CAPRIN1: variants seen among roughly 807,000 people sequenced by gnomAD.
CAPRIN1 encodes the protein cell cycle associated protein 1, also known as caprin-1.
CAPRIN1 carries 29 observed loss-of-function variants against 100.9 expected under a neutral mutation model. The ratio of observed to expected loss-of-function variants is 0.29; its 90% CI spans 0.21 to 0.39. The LOEUF is 0.39. CAPRIN1 is among the 10% of genes least tolerant of loss of function. The pLI is 1.00. For synonymous variants in CAPRIN1, 338 were observed against 307.5 expected, an observed-to-expected ratio of 1.10 and a Z score of -1.04; for missense variants, 795 against 876.7, an observed-to-expected ratio of 0.91 and a Z score of 1.18.
rs916131753 is a variant in CAPRIN1 at position 34,101,227 on chromosome 11, G to A, written c.*1860G>A. On this transcript the variant is annotated 3_prime_UTR_variant, in exon 19 of 19. Transcript: ENST00000341394. ...TACTTTGGCAAATGAGTATTTTTTT[G>A]CTAGCACCTCCCCTTGCGTGCTTTA... The A allele has an allele frequency of 3.3e-5, 5 of 151,998 alleles. No individual in the cohort carries two copies. Among genetic ancestry groups the A allele is most frequent in the African/African-American group, 1.2e-4 (5 of 41,380 alleles). The allele number at this position is 151,998 out of a possible 1,614,324, so 9.4% of individuals were successfully genotyped here. A position where few individuals can be genotyped will look rare whatever the true frequency, so the allele number is the denominator to read the frequency against.
rs1169702908 is a variant in CAPRIN1 at position 34,096,677 on chromosome 11, A to G, written c.1900+4A>G. On this transcript the variant is annotated splice_donor_region_variant and intron_variant, in intron 16 of 18. Coordinates refer to ENST00000341394, the MANE Select transcript of CAPRIN1 (RefSeq NM_005898.5). ...GGCCCTGCCAATGGATTCAGAGGTAAAAAAATAAAAAAGGAGGTTCTAATG... is the reference window on the plus strand; with the variant it reads ...GGCCCTGCCAATGGATTCAGAGGTAGAAAAATAAAAAAGGAGGTTCTAATG... The G allele has an allele frequency of 1.3e-6, 2 of 1,579,214 alleles. No homozygotes were observed. The highest frequency in any genetic ancestry group is 1.7e-6 in the Non-Finnish European group (2 of 1,158,642).
intron 4 of CAPRIN1, 70 bp from the exon 5 acceptor site, chr11:34,076,166 G>T: frequency 1.9e-6 from 2 of 1,064,032 alleles, no homozygotes; most frequent in East Asian, 2.4e-5. Context: ...TATTTAAGCT[G>T]GACCTGAAAT....
intron 14 of CAPRIN1, among the ~76,000 whole-genome samples, chr11:34,091,410 T>C (rs1414452549): frequency 6.6e-6 from 1 of 152,130 alleles, no homozygotes; most frequent in African/African-American, 2.4e-5. Flanking sequence ...CCTCAGCCTT[T>C]GGAGTAGCTG....
At position 34,085,237 on chromosome 11, in the gene CAPRIN1, G is replaced by A. The variant is rs572612616; in HGVS notation, c.967-827G>A. Among the ~76,000 whole-genome samples, 25 of 152,246 alleles carry A rather than the reference G, an allele frequency of 1.6e-4. No homozygotes were observed. The East Asian group carries it at 2.3e-3, about 14-fold the overall frequency. ...AGGAAATTATTAGAGCTGGGAAAAG[G>A]CTAATAGAGTGAGCTTTGGCTTCTG... On this transcript the variant is annotated intron_variant, in intron 9 of 18. Transcript: ENST00000341394.
intron 15 of CAPRIN1, among the ~76,000 whole-genome samples, chr11:34,094,023 G>A (rs1851316436): frequency 1.3e-5 from 2 of 152,190 alleles, no homozygotes; most frequent in South Asian, 4.1e-4. Context: ...CTATATATAT[G>A]TGTATTTATG....
Position 34,082,998 on chromosome 11 carries a change from G to T in CAPRIN1, c.923G>T (p.Gly308Val), listed in dbSNP as rs778350849. 6.2e-7 allele frequency: 1 copy of T among 1,614,154 alleles called. No homozygotes were observed. The highest frequency in any genetic ancestry group is 1.1e-5 in the South Asian group (1 of 91,084). ...QFMAETQFTS[G>V]EKEQVDEWTV... The stretch of plus-strand genomic sequence containing the variant: ...ATGGCAGAAACACAGTTCACCAGTG[G>T]TGAAAAGGAGCAGGTAGATGAGTGG... The change falls in exon 9 of 19, where the codon GGT becomes GTT. Residue 308 changes from glycine (G) to valine (V), a missense_variant. Around this residue, in one of 3 missense-constraint regions of CAPRIN1, gnomAD observed 648 missense variants for 697.9 expected, o/e 0.93. Transcript: ENST00000341394.
intron 15 of CAPRIN1, 121 bp from the exon 16 acceptor site, chr11:34,096,358 C>A: frequency 3.1e-6 from 2 of 638,116 alleles, no homozygotes; most frequent in Non-Finnish European, 2.6e-6. Context: ...TCATTGTATG[C>A]AAATTTAAGG....
chr11:34,055,117 C>T (rs905206055), intron 2 of CAPRIN1, among the ~76,000 whole-genome samples: 1 of 152,112 alleles, frequency 6.6e-6, no homozygotes, highest in Non-Finnish European at 1.5e-5. Context: ...ATGTGAATTA[C>T]TATACTCTGT....
intron 2 of CAPRIN1, among the ~76,000 whole-genome samples, 176 bp from the exon 3 acceptor site, chr11:34,071,550 C>T (rs1279076338): frequency 4.0e-5 from 6 of 151,196 alleles, no homozygotes; most frequent in South Asian, 2.1e-4. Context: ...GGGTGACGAG[C>T]GAAACTCTGT....
Position 34,090,526 on chromosome 11 carries a change from T to G in CAPRIN1, c.1405-3T>G. ...AAAGTGCATCTATTCACTTTGTGTTTAGGCAACAATCTCTTTAAATACAGA... is the reference window on the plus strand; with the variant it reads ...AAAGTGCATCTATTCACTTTGTGTTGAGGCAACAATCTCTTTAAATACAGA... On this transcript the variant is annotated splice_region_variant and splice_polypyrimidine_tract_variant and intron_variant, in intron 13 of 18. Transcript: ENST00000341394. 6.2e-7 allele frequency: 1 copy of G among 1,609,932 alleles called. No individual in the cohort carries two copies. The highest frequency in any genetic ancestry group is 8.5e-7 in the Non-Finnish European group (1 of 1,176,664).
intron 2 of CAPRIN1, among the ~76,000 whole-genome samples, chr11:34,055,028 GA>G (rs556758462): frequency 5.8e-4 from 87 of 150,422 alleles, no homozygotes; most frequent in Non-Finnish European, 1.0e-4. Context: ...AAGTACTTCT[GA>G]AAAAAAAATA....
chr11:34,091,216 G>GA (rs1328462596), intron 14 of CAPRIN1, among the ~76,000 whole-genome samples: 5 of 152,062 alleles, frequency 3.3e-5, no homozygotes, highest in East Asian at 3.8e-4. Flanking sequence ...TAATAAAAAT[G>GA]AAAAAACATT....
chr11:34,086,391 G>A lies in CAPRIN1; in HGVS notation c.1209G>A (p.Met403Ile), dbSNP rs770070318. The A allele has an allele frequency of 8.1e-6, 13 of 1,612,634 alleles. No homozygotes were observed. In the South Asian group the frequency reaches 8.8e-5, roughly 11 times the overall value. The change falls in exon 11 of 19, where the codon ATG becomes ATA. Residue 403 changes from methionine to isoleucine, a missense_variant. By Grantham distance (10) the Met-to-Ile change is conservative. Around this residue, in one of 3 missense-constraint regions of CAPRIN1, gnomAD observed 648 missense variants for 697.9 expected, o/e 0.93. Coordinates refer to ENST00000341394, the MANE Select transcript of CAPRIN1 (RefSeq NM_005898.5). ...QPMNPTQNMD[M>I]PQLVCPPVHS... is the part of the protein sequence containing the mutation. Reference sequence around the variant, plus strand: ...TGAATCCAACACAAAACATGGACATGCCCCAGCTGGTTTGCCCTCCAGGTT... The same window carrying A: ...TGAATCCAACACAAAACATGGACATACCCCAGCTGGTTTGCCCTCCAGGTT...
Position 34,097,739 on chromosome 11 carries a change from T to C in CAPRIN1, c.2043T>C (p.Ser681=), listed in dbSNP as rs765316780. Residue 681 remains serine, a synonymous_variant, in exon 18 of 19, where the codon AGT becomes AGC. Coordinates refer to ENST00000341394, the MANE Select transcript of CAPRIN1 (RefSeq NM_005898.5). ...QQNFKRGSGQ[S]GPRGAPRGRG... is the part of the protein sequence containing the mutation. Reference sequence around the variant, plus strand: ...ATTTCAAGCGAGGCTCTGGGCAGAGTGGACCACGGGGAGCCCCACGAGGTA... The same window carrying C: ...ATTTCAAGCGAGGCTCTGGGCAGAGCGGACCACGGGGAGCCCCACGAGGTA... 5.0e-6 allele frequency: 8 copies of C among 1,614,030 alleles called. No individual in the cohort carries two copies. Among genetic ancestry groups the C allele is most frequent in the Non-Finnish European group, 6.8e-6 (8 of 1,179,924 alleles).
At chr11:34,070,277 C>CTG (rs1850782761) in intron 2 of CAPRIN1, among the ~76,000 whole-genome samples, 1 of 152,176 alleles carries the variant, frequency 6.6e-6, no homozygotes, top group African/African-American at 2.4e-5. Flanking sequence ...CACCCTTGAA[C>CTG]TAACAAAGCA....
At chr11:34,081,731 C>G (rs1159181303) in intron 7 of CAPRIN1, among the ~76,000 whole-genome samples, 1 of 152,134 alleles carries the variant, frequency 6.6e-6, no homozygotes, top group African/African-American at 2.4e-5. Context: ...CTCCTGACCT[C>G]AAGTGATCTG....
intron 9 of CAPRIN1, among the ~76,000 whole-genome samples, chr11:34,084,105 T>G (rs568752925): frequency 2.0e-5 from 3 of 152,248 alleles, no homozygotes; most frequent in Admixed American, 1.3e-4. Flanking sequence ...TTGCAAAGTT[T>G]TTTTTTTTTG....
chr11:34,092,739 G>GA (rs1435221809), intron 15 of CAPRIN1, among the ~76,000 whole-genome samples: 2 of 152,156 alleles, frequency 1.3e-5, no homozygotes, highest in Non-Finnish European at 2.9e-5. Flanking sequence ...ACAAAGTTAA[G>GA]AAAAAACTCA....
At position 34,099,410 on chromosome 11, in the gene CAPRIN1, C is replaced by A. The variant is rs1851419326; in HGVS notation, c.*43C>A. 8.9e-6 allele frequency: 13 copies of A among 1,454,768 alleles called. No individual in the cohort carries two copies. The highest frequency in any genetic ancestry group is 1.2e-5 in the Non-Finnish European group (12 of 1,035,382). 90.1% of individuals were successfully genotyped at this position (1,454,768 alleles called of 1,614,324 possible). A position where few individuals can be genotyped will look rare whatever the true frequency, so the allele number is the denominator to read the frequency against. On this transcript the variant is annotated 3_prime_UTR_variant, in exon 19 of 19. Coordinates refer to ENST00000341394, the MANE Select transcript of CAPRIN1 (RefSeq NM_005898.5). ...TGTTTAATCGCCAAAAACACACTGG[C>A]CAGTGTACCATAATATGTTACCAGA...
Sources: gnomAD v4.1 joint callset for allele counts (sites outside exome capture counted in the v4.1 genomes callset) on GRCh38, gnomAD v4.1.1 for gene constraint, gnomAD v4.1.1 regional missense constraint, MANE v1.5 for transcripts, NCBI Gene and HGNC (gene_info 2026-07-23, HGNC 2026-07-21) for gene names.